CNTNAP5: variants seen among roughly 807,000 people sequenced by gnomAD.
The protein encoded by CNTNAP5 is contactin associated protein family member 5, also known as contactin-associated protein-like 5.
In CNTNAP5, 72 loss-of-function variants were observed where a neutral mutation model predicts 150.2. The ratio of observed to expected loss-of-function variants is 0.48; its 90% CI spans 0.40 to 0.58. The LOEUF (loss-of-function observed/expected upper bound fraction) is 0.58, where lower values mean the gene tolerates loss of function less well. Among genes scored for constraint, CNTNAP5 ranks in the 20% least tolerant of loss-of-function variants. CNTNAP5 has a pLI of 0.00. For missense variants in CNTNAP5, 1,636 were observed against 1,626.2 expected (o/e 1.01, Z -0.10); for synonymous variants, 672 against 619.8 (o/e 1.08, Z -1.25).
In CNTNAP5 at chr2:124,032,551, T is replaced by C. The variant is rs1212595830; in HGVS notation, c.82+6819T>C. On this transcript the variant is annotated intron_variant, in intron 1 of 23. Transcript: ENST00000682447. Reference sequence around the variant, plus strand: ...GACCTTAAATAAAGAAGGATAGATATATCTGAATCTACAAAAGTTACACAG... The same window carrying C: ...GACCTTAAATAAAGAAGGATAGATACATCTGAATCTACAAAAGTTACACAG... Among the ~76,000 whole-genome samples the C allele has an allele frequency of 3.3e-5, 5 of 152,040 alleles. 1 individual carries two copies. Among genetic ancestry groups the C allele is most frequent in the South Asian group, 4.1e-4 (2 of 4,830 alleles).
intron 3 of CNTNAP5, among the ~76,000 whole-genome samples, chr2:124,303,722 T>A (rs970514220): frequency 6.6e-6 from 1 of 152,206 alleles, no homozygotes; most frequent in African/African-American, 2.4e-5. Context: ...TTCTGAATCA[T>A]AATCATCATA....
At chr2:124,601,513 C>G (rs1180863234) in intron 11 of CNTNAP5, among the ~76,000 whole-genome samples, 1 of 152,104 alleles carries the variant, frequency 6.6e-6, no homozygotes, top group African/African-American at 2.4e-5. Context: ...GAGACCAAAA[C>G]AAAACACACA....
At chr2:124,431,071 T>C (rs1380938480) in intron 4 of CNTNAP5, among the ~76,000 whole-genome samples, 1 of 152,134 alleles carries the variant, frequency 6.6e-6, no homozygotes, top group African/African-American at 2.4e-5. Flanking sequence ...TGCCCCCAGG[T>C]AGTAAGGAGT....
In CNTNAP5 at chr2:124,525,421, T is replaced by C. The variant is rs529073317; in HGVS notation, c.1477+969T>C. Among the ~76,000 whole-genome samples, 5 of 152,322 alleles carry C rather than the reference T, an allele frequency of 3.3e-5. No individual in the cohort carries two copies. The East Asian group carries it at 9.7e-4, about 29-fold the overall frequency. ...AGGGGATGGGGAAACTGGCTCCAGC[T>C]CCTATAGATATAAGTCAGGGTCTGG... is the stretch of plus-strand genomic sequence containing the variant. On this transcript the variant is annotated intron_variant, in intron 9 of 23. Transcript: ENST00000682447.
intron 13 of CNTNAP5, among the ~76,000 whole-genome samples, chr2:124,682,864 T>C (rs1679101289): frequency 6.6e-6 from 1 of 152,138 alleles, no homozygotes; most frequent in Non-Finnish European, 1.5e-5. Flanking sequence ...GGCTAATTAG[T>C]GGCACAAAAA....
At chr2:124,219,651 A>G (rs1686251844) in intron 1 of CNTNAP5, among the ~76,000 whole-genome samples, 1 of 152,180 alleles carries the variant, frequency 6.6e-6, no homozygotes, top group Non-Finnish European at 1.5e-5. Flanking sequence ...TTCCACATTC[A>G]TCTGATGCTT....
At chr2:124,434,355 T>C (rs985596230) in intron 4 of CNTNAP5, 129 bp from the exon 5 acceptor site, 2 of 711,172 alleles carry the variant, frequency 2.8e-6, no homozygotes, top group Non-Finnish European at 4.9e-6. Flanking sequence ...ACATGTTTCC[T>C]GTTGAGACTA....
At chr2:124,180,240 T>C (rs1319008740) in intron 1 of CNTNAP5, among the ~76,000 whole-genome samples, 1 of 152,192 alleles carries the variant, frequency 6.6e-6, no homozygotes, top group Non-Finnish European at 1.5e-5. Context: ...CTGTAAATAG[T>C]GAAGAAGCAA....
intron 3 of CNTNAP5, among the ~76,000 whole-genome samples, chr2:124,334,269 G>A (rs951418298): frequency 1.3e-5 from 2 of 152,140 alleles, no homozygotes; most frequent in Non-Finnish European, 2.9e-5. Flanking sequence ...AATGGAGGAG[G>A]TAGAAGCTTT....
At chr2:124,700,489 A>C (rs1415532976) in intron 13 of CNTNAP5, among the ~76,000 whole-genome samples, 1 of 152,114 alleles carries the variant, frequency 6.6e-6, no homozygotes, top group African/African-American at 2.4e-5. Flanking sequence ...GTACTTGAAG[A>C]GTCTAATTTC....
chr2:124,205,416 C>T (rs1685836673), intron 1 of CNTNAP5, among the ~76,000 whole-genome samples: 1 of 150,712 alleles, frequency 6.6e-6, no homozygotes. Flanking sequence ...GTTTTCTTTT[C>T]TTTTCTTTTT....
At chr2:124,808,741 G>T (rs1265204543) in intron 19 of CNTNAP5, among the ~76,000 whole-genome samples, 1 of 152,182 alleles carries the variant, frequency 6.6e-6, no homozygotes, top group Non-Finnish European at 1.5e-5. Context: ...GAGGAAGGCT[G>T]CCTCTGCCCC....
At chr2:124,336,500 A>AAGACTGGAAACTGAACACACAAATTG (rs1689472407) in intron 3 of CNTNAP5, among the ~76,000 whole-genome samples, 1 of 146,670 alleles carries the variant, frequency 6.8e-6, no homozygotes, top group African/African-American at 2.5e-5. Flanking sequence ...CATTAGGTAT[A>AAGACTGGAAACTGAACACACAAATTG]TCTCCTAATG....
At chr2:124,384,378 A>G (rs1024167369) in intron 3 of CNTNAP5, among the ~76,000 whole-genome samples, 15 of 152,168 alleles carry the variant, frequency 9.9e-5, no homozygotes, top group African/African-American at 3.6e-4. Context: ...GTAGTAGGAA[A>G]TTTGGAATTT....
intron 1 of CNTNAP5, among the ~76,000 whole-genome samples, chr2:124,148,903 T>C (rs1446792255): frequency 6.6e-6 from 1 of 151,990 alleles, no homozygotes; most frequent in Non-Finnish European, 1.5e-5. Context: ...TATGTATATA[T>C]ACACATGTAT....
At chr2:124,324,562 G>A (rs1689170931) in intron 3 of CNTNAP5, among the ~76,000 whole-genome samples, 2 of 152,184 alleles carry the variant, frequency 1.3e-5, no homozygotes, top group South Asian at 4.1e-4. Context: ...GGAGGGACGG[G>A]TAAAAAGTGG....
At chr2:124,826,689 G>A (rs1479971375) in intron 19 of CNTNAP5, among the ~76,000 whole-genome samples, 1 of 152,092 alleles carries the variant, frequency 6.6e-6, no homozygotes, top group East Asian at 1.9e-4. Flanking sequence ...CTATGGGGTA[G>A]GGCCCACCTT....
At chr2:124,897,578 T>C (rs1678332136) in intron 21 of CNTNAP5, among the ~76,000 whole-genome samples, 1 of 151,202 alleles carries the variant, frequency 6.6e-6, no homozygotes, top group South Asian at 2.1e-4. Flanking sequence ...AGCAGACAGG[T>C]TGGATGTGTA....
intron 4 of CNTNAP5, among the ~76,000 whole-genome samples, chr2:124,430,816 G>A (rs1213977013): frequency 6.6e-6 from 1 of 152,160 alleles, no homozygotes; most frequent in Non-Finnish European, 1.5e-5. Context: ...AACCCAGACA[G>A]AATTTTTTCA....
Sources: gnomAD v4.1 joint callset for allele counts (sites outside exome capture counted in the v4.1 genomes callset) on GRCh38, gnomAD v4.1.1 for gene constraint, MANE v1.5 for transcripts, NCBI Gene and HGNC (gene_info 2026-07-23, HGNC 2026-07-21) for gene names.